LPL: variants seen among roughly 807,000 people sequenced by gnomAD.
LPL encodes phospholipase A1.
Under a neutral mutation model 52.2 loss-of-function variants are expected in LPL, and 43 were observed. That is an observed-to-expected ratio of 0.82 (90% CI 0.64 to 1.06). The LOEUF (loss-of-function observed/expected upper bound fraction) is 1.06. Ranked by LOEUF, LPL falls within the 50% of genes least tolerant of loss-of-function variation. The pLI is 0.00. For missense variants in LPL, 639 were observed against 585.3 expected (o/e 1.09, Z -0.95); for synonymous variants, 244 against 215.6 (o/e 1.13, Z -1.15).
At chr8:19,941,681 C>G (rs2069841448) in intron 1 of LPL, among the ~76,000 whole-genome samples, 2 of 152,230 alleles carry the variant, frequency 1.3e-5, no homozygotes, top group South Asian at 4.1e-4. Flanking sequence ...TATCATGCCT[C>G]TCCCATCACA....
intron 6 of LPL, among the ~76,000 whole-genome samples, chr8:19,956,870 C>T (rs1231682316): frequency 2.0e-5 from 3 of 152,162 alleles, no homozygotes; most frequent in African/African-American, 7.2e-5. Context: ...TTCTCCTAGG[C>T]TGGAGGAGAG....
chr8:19,955,787 C>T (rs1473684723), intron 5 of LPL, 54 bp from the exon 6 acceptor site: 1 of 1,612,568 alleles, frequency 6.2e-7, no homozygotes, highest in Non-Finnish European at 8.5e-7. Flanking sequence ...CCAAATGAAA[C>T]ACTCTTTGTG....
At position 19,966,475 on chromosome 8, in the gene LPL, A is replaced by G. The variant is rs560577552; in HGVS notation, c.*1165A>G. ...TGCTATTTGTTGTTTTTAACAACTA[A>G]TCAAGAGTGAGTGAACAACTATTTA... On this transcript the variant is annotated 3_prime_UTR_variant, in exon 10 of 10. Transcript: ENST00000650287. The G allele has an allele frequency of 1.3e-5, 2 of 152,342 alleles. No individual in the cohort carries two copies. Among genetic ancestry groups the G allele is most frequent in the East Asian group, 3.9e-4 (2 of 5,186 alleles). The allele number at this position is 152,342 out of a possible 1,614,324, so 9.4% of individuals were successfully genotyped here. A position where few individuals can be genotyped will look rare whatever the true frequency, so the allele number is the denominator to read the frequency against.
At chr8:19,952,046 T>C (rs572188133) in intron 3 of LPL, 98 bp downstream of exon 3, 2 of 1,369,982 alleles carry the variant, frequency 1.5e-6, no homozygotes, top group East Asian at 2.3e-5. Context: ...TAGATTTAAA[T>C]ATTTTCTGGG....
At position 19,960,924 on chromosome 8, in the gene LPL, C is replaced by A; in HGVS notation, c.1163C>A (p.Thr388Asn). The A allele has an allele frequency of 1.9e-6, 3 of 1,613,804 alleles. No homozygotes were observed. Among genetic ancestry groups the A allele is most frequent in the Non-Finnish European group, 2.5e-6 (3 of 1,179,864 alleles). ...FTLPEVSTNK[T>N]YSFLIYTEVD... ...AGGCCTGAAGTTTCCACAAATAAGA[C>A]CTACTCCTTCCTAATTTACACAGAG... The change falls in exon 8 of 10, where the codon ACC becomes AAC. Residue 388 changes from threonine to asparagine, a missense_variant. Coordinates refer to ENST00000650287, the MANE Select transcript of LPL (RefSeq NM_000237.3).
intron 7 of LPL, 58 bp from the exon 8 acceptor site, chr8:19,960,843 T>C: frequency 7.9e-7 from 1 of 1,273,334 alleles, no homozygotes; most frequent in Non-Finnish European, 1.1e-6. Context: ...GAAAAAAAAG[T>C]GGGGGGCAGG....
chr8:19,958,453 G>A (rs1234100196), intron 6 of LPL, among the ~76,000 whole-genome samples: 3 of 152,182 alleles, frequency 2.0e-5, no homozygotes, highest in Non-Finnish European at 4.4e-5. Context: ...AGGAGATATA[G>A]AAGTTCAACT....
intron 1 of LPL, among the ~76,000 whole-genome samples, chr8:19,943,693 C>T (rs891605302): frequency 8.5e-5 from 13 of 152,154 alleles, no homozygotes; most frequent in African/African-American, 3.1e-4. Context: ...CACAAGATCT[C>T]CTTAAATAAT....
intron 6 of LPL, among the ~76,000 whole-genome samples, chr8:19,957,962 T>C (rs1010985326): frequency 1.3e-5 from 2 of 151,438 alleles, no homozygotes; most frequent in Admixed American, 6.6e-5. Context: ...TAGTGGGATA[T>C]AGAAGAAAAA....
At position 19,965,526 on chromosome 8, in the gene LPL, T is replaced by C. The variant is rs568789989; in HGVS notation, c.*216T>C. 3.8e-5 allele frequency: 21 copies of C among 548,928 alleles called. 1 individual carries two copies. Among genetic ancestry groups the C allele is most frequent in the South Asian group, 1.3e-4 (5 of 38,192 alleles). The allele number at this position is 548,928 out of a possible 1,614,324, so 34.0% of individuals were successfully genotyped here. On this transcript the variant is annotated 3_prime_UTR_variant, in exon 10 of 10. Coordinates refer to ENST00000650287, the MANE Select transcript of LPL (RefSeq NM_000237.3). The stretch of plus-strand genomic sequence containing the variant: ...CAATTTATGGGGTATAGTGGCCAAA[T>C]AGCACATCCTCCAACGTTAAAAGAC...
chr8:19,942,816 G>A (rs890000378), intron 1 of LPL, among the ~76,000 whole-genome samples: 17 of 152,242 alleles, frequency 1.1e-4, no homozygotes, highest in East Asian at 5.8e-4. Context: ...CACCATTTGC[G>A]TACTCAACAA....
rs2069902198 is a variant in LPL at position 19,948,352 on chromosome 8, T to A, written c.249+12T>A. 1 of 1,613,390 alleles carries A rather than the reference T, an allele frequency of 6.2e-7. No individual in the cohort carries two copies. Among genetic ancestry groups the A allele is most frequent in the South Asian group, 1.1e-5 (1 of 91,054 alleles). The stretch of plus-strand genomic sequence containing the variant: ...TCCATGGCTGGACGGTAAGGGAGGC[T>A]CTTTGGGGAAGAGTGGATTGGGGTG... On this transcript the variant is annotated intron_variant, in intron 2 of 9. Coordinates refer to ENST00000650287, the MANE Select transcript of LPL (RefSeq NM_000237.3).
At chr8:19,956,189 G>A (rs2069984222) in intron 6 of LPL, 106 bp downstream of exon 6, 2 of 1,510,054 alleles carry the variant, frequency 1.3e-6, no homozygotes, top group South Asian at 1.1e-5. Context: ...ATGATGACTG[G>A]TGTTACTAAA....
intron 6 of LPL, among the ~76,000 whole-genome samples, chr8:19,958,459 C>T (rs1342220466): frequency 6.6e-6 from 1 of 152,194 alleles, no homozygotes; most frequent in Non-Finnish European, 1.5e-5. Flanking sequence ...TATAGAAGTT[C>T]AACTACCTGC....
intron 1 of LPL, among the ~76,000 whole-genome samples, chr8:19,941,877 G>A (rs779654731): frequency 2.6e-5 from 4 of 152,262 alleles, no homozygotes; most frequent in South Asian, 2.1e-4. Context: ...CAGGCACTTC[G>A]TCCTGGGAGC....
At chr8:19,954,741 G>C (rs258) in intron 5 of LPL, among the ~76,000 whole-genome samples, 85,641 of 152,210 alleles carry the variant, frequency 0.56, 26,981 homozygotes, top group African/African-American at 0.87. Flanking sequence ...TGTTAATTAG[G>C]ATAAATCTTC....
At chr8:19,965,194 T>G in intron 9 of LPL, 116 bp from the exon 10 acceptor site, 1 of 735,554 alleles carries the variant, frequency 1.4e-6, no homozygotes, top group East Asian at 2.5e-5. Flanking sequence ...CTCACAACCT[T>G]TGTTCTGAAA....
chr8:19,939,445 A>G lies in LPL; in HGVS notation c.5A>G (p.Glu2Gly). Residue 2 changes from glutamate (E) to glycine (G), a missense_variant, in exon 1 of 10, where the codon GAG becomes GGG. Glu to Gly is a moderately conservative substitution (Grantham distance 98). Transcript: ENST00000650287. The surrounding 1 kb of genome is among the most constrained non-coding windows in gnomAD (Gnocchi z 4.0). ...TCCAGAGGGACGCGCCCCGAGATGG[A>G]GAGCAAAGCCCTGCTCGTGCTGACT... M[E>G]SKALLVLTLA... is the part of the protein sequence containing the mutation. 1 of 1,609,038 alleles carries G rather than the reference A, an allele frequency of 6.2e-7. No individual in the cohort carries two copies. Among genetic ancestry groups the G allele is most frequent in the Non-Finnish European group, 8.5e-7 (1 of 1,178,260 alleles).
chr8:19,946,714 C>T (rs981999667), intron 1 of LPL: 1 of 156,456 alleles, frequency 6.4e-6, no homozygotes, highest in Non-Finnish European at 1.4e-5. Flanking sequence ...TGTTATGGGT[C>T]GTTTTCTTTA....
Sources: allele counts gnomAD v4.1 joint callset (sites outside exome capture counted in the v4.1 genomes callset), GRCh38; gene constraint gnomAD v4.1.1; non-coding constraint Gnocchi (gnomAD v3.1); transcripts MANE v1.5; gene names NCBI Gene and HGNC (gene_info 2026-07-23, HGNC 2026-07-21).